The following BLTP1 variants were observed in gnomAD, a reference collection of about 807,000 sequenced individuals.
BLTP1 encodes the protein bridge-like lipid transfer protein family member 1, also known as fragile site-associated protein.
chr4:122,246,403 T>C, the BLTP1 span: 29 of 1,140,486 alleles, frequency 2.5e-5, no homozygotes, highest in Admixed American at 8.3e-4. Context: ...CAGTGTGTAA[T>C]ATTAAAAAAA....
chr4:122,320,751 TGACA>T, the BLTP1 span, among the ~76,000 whole-genome samples: 1 of 152,130 alleles, frequency 6.6e-6, no homozygotes, highest in Non-Finnish European at 1.5e-5. Flanking sequence ...TAATCCACTC[TGACA>T]GTCTGTCTTT....
chr4:122,299,424 T>C, the BLTP1 span, among the ~76,000 whole-genome samples: 1 of 152,134 alleles, frequency 6.6e-6, no homozygotes, highest in African/African-American at 2.4e-5. Context: ...CAGGGATGTG[T>C]AAGAGGGCTG....
chr4:122,352,857 G>A, the BLTP1 span: 2 of 1,599,480 alleles, frequency 1.3e-6, no homozygotes, highest in South Asian at 2.3e-5. Flanking sequence ...CTATCCAAGG[G>A]TACTCATTAG....
the BLTP1 span, among the ~76,000 whole-genome samples, chr4:122,158,663 C>T: frequency 6.6e-6 from 1 of 151,892 alleles, no homozygotes; most frequent in Non-Finnish European, 1.5e-5. Context: ...CTCAGCTACT[C>T]GGAAGGCTGA....
chr4:122,301,207 G>T, the BLTP1 span: 7 of 1,364,848 alleles, frequency 5.1e-6, no homozygotes, highest in East Asian at 1.6e-4. Context: ...TCAGTAAAAA[G>T]AAAATATTTT....
the BLTP1 span, chr4:122,169,852 G>A: frequency 1.0e-6 from 1 of 985,168 alleles, no homozygotes; most frequent in Non-Finnish European, 1.2e-6. Flanking sequence ...TAGGAAGATT[G>A]TTTCCCCATG....
the BLTP1 span, chr4:122,244,879 T>C: frequency 9.3e-7 from 1 of 1,071,598 alleles, no homozygotes; most frequent in East Asian, 2.8e-5. Context: ...TTTCTAAATA[T>C]GTGGCTTAGA....
chr4:122,297,460 C>T, the BLTP1 span, among the ~76,000 whole-genome samples: 2 of 151,980 alleles, frequency 1.3e-5, no homozygotes, highest in Non-Finnish European at 2.9e-5. Context: ...TTGGTGGGAG[C>T]GTAAATTAGT....
chr4:122,252,280 A>G, the BLTP1 span, among the ~76,000 whole-genome samples: 1 of 152,178 alleles, frequency 6.6e-6, no homozygotes, highest in Non-Finnish European at 1.5e-5. Flanking sequence ...AGGGAGAAGT[A>G]ATGGGGACTT....
chr4:122,237,311 A>C, the BLTP1 span: 5 of 985,350 alleles, frequency 5.1e-6, no homozygotes, highest in Non-Finnish European at 6.0e-6. Flanking sequence ...AGTTTATATA[A>C]CACATCACAG....
chr4:122,224,799 T>G, the BLTP1 span: 2 of 1,573,112 alleles, frequency 1.3e-6, no homozygotes, highest in Non-Finnish European at 1.7e-6. Flanking sequence ...GGCATTCTGA[T>G]GGGAGTCATT....
chr4:122,285,383 G>A, the BLTP1 span, among the ~76,000 whole-genome samples: 12 of 152,120 alleles, frequency 7.9e-5, no homozygotes, highest in Non-Finnish European at 1.8e-4. Flanking sequence ...GCTAGCAATA[G>A]TAGTGGTGGC....
At chr4:122,259,687 C>T in the BLTP1 span, among the ~76,000 whole-genome samples, 1 of 151,984 alleles carries the variant, frequency 6.6e-6, no homozygotes, top group Non-Finnish European at 1.5e-5. Flanking sequence ...TGGTGAAACC[C>T]CATTTCTACT....
At chr4:122,318,332 C>T in the BLTP1 span, 1 of 1,304,400 alleles carries the variant, frequency 7.7e-7, no homozygotes, top group Non-Finnish European at 1.1e-6. Flanking sequence ...CCTATCATAT[C>T]TACTGCGTAC....
chr4:122,174,313 T>C, the BLTP1 span: 1 of 985,064 alleles, frequency 1.0e-6, no homozygotes, highest in Non-Finnish European at 1.2e-6. Flanking sequence ...TTAAGGGAAT[T>C]ATCCATACAA....
chr4:122,296,865 A>G, the BLTP1 span, among the ~76,000 whole-genome samples: 1 of 152,252 alleles, frequency 6.6e-6, no homozygotes, highest in Non-Finnish European at 1.5e-5. Context: ...TTGGTTAGCC[A>G]TATGCAGAAA....
the BLTP1 span, chr4:122,257,161 T>C: frequency 5.0e-6 from 6 of 1,207,582 alleles, no homozygotes; most frequent in African/African-American, 1.5e-5. Flanking sequence ...TCTAAATGAG[T>C]ATTATGAGAT....
At chr4:122,357,323 G>C in the BLTP1 span, among the ~76,000 whole-genome samples, 1 of 152,050 alleles carries the variant, frequency 6.6e-6, no homozygotes, top group Admixed American at 6.6e-5. Flanking sequence ...AGCACTTTGG[G>C]ATGCCAAGGA....
the BLTP1 span, among the ~76,000 whole-genome samples, chr4:122,342,974 C>T: frequency 6.6e-6 from 1 of 152,138 alleles, no homozygotes; most frequent in African/African-American, 2.4e-5. Flanking sequence ...TTTTTACTTT[C>T]TGCTTTTGCA....
Sources: gnomAD v4.1 joint callset for allele counts (sites outside exome capture counted in the v4.1 genomes callset) on GRCh38, gnomAD v4.1.1 for gene constraint, MANE v1.5 for transcripts, NCBI Gene and HGNC (gene_info 2026-07-23, HGNC 2026-07-21) for gene names.